CCDC88B: variants seen among roughly 807,000 people sequenced by gnomAD.
CCDC88B encodes the protein coiled-coil domain-containing protein 88B.
In CCDC88B, 138 loss-of-function variants were observed where a neutral mutation model predicts 183.7. The observed-to-expected ratio is 0.75, with a 90% CI of 0.65 to 0.87. CCDC88B has a LOEUF of 0.87. Ranked by LOEUF, CCDC88B falls within the 40% of genes least tolerant of loss-of-function variation. The probability of loss-of-function intolerance (pLI) is 0.00; values close to 1 mark genes in which losing one functional copy is unlikely to be tolerated. For missense variants in CCDC88B, 1,822 were observed against 1,965.6 expected (o/e 0.93, Z 1.38); for synonymous variants, 835 against 867.5 (o/e 0.96, Z 0.66).
rs762448959 is a variant in CCDC88B at position 64,355,327 on chromosome 11, T to G, written c.4233T>G (p.Pro1411=). 93 of 1,595,958 alleles carry G rather than the reference T, an allele frequency of 5.8e-5. No individual in the cohort carries two copies. The highest frequency in any genetic ancestry group is 1.7e-4 in the Middle Eastern group (1 of 5,974). The part of the protein sequence containing the change: ...PVGRSSESFS[P]GDTPRQRFRQ... Reference sequence around the variant, plus strand: ...GGCGAAGCTCTGAGTCATTCAGCCCTGGGGACACCCCTAGGCAACGATTCC... The same window carrying G: ...GGCGAAGCTCTGAGTCATTCAGCCCGGGGGACACCCCTAGGCAACGATTCC... The change falls in exon 25 of 27, where the codon CCT becomes CCG. Residue 1411 remains proline (P), a synonymous_variant. Coordinates refer to ENST00000356786, the MANE Select transcript of CCDC88B (RefSeq NM_032251.6).
rs1040945587 is a variant in CCDC88B at position 64,345,046 on chromosome 11, G to A, written c.2505G>A (p.Leu835=). 4.5e-6 allele frequency: 7 copies of A among 1,548,736 alleles called. No individual in the cohort carries two copies. Among genetic ancestry groups the A allele is most frequent in the African/African-American group, 1.4e-5 (1 of 73,544 alleles). Residue 835 remains leucine (L), a synonymous_variant, in exon 14 of 27, where the codon CTG becomes CTA. Transcript: ENST00000356786. ...AGTGGGAGCGTGAGGGGTCCAGGCT[G>A]CGGGCCCAGTCGGAGGCCGCCGAGG... The part of the protein sequence containing the change: ...RRQWEREGSR[L]RAQSEAAEER...
At position 64,343,526 on chromosome 11, in the gene CCDC88B, A is replaced by G. The variant is rs1236536618; in HGVS notation, c.1229A>G (p.His410Arg). The G allele has an allele frequency of 3.2e-6, 5 of 1,551,716 alleles. No individual in the cohort carries two copies. Among genetic ancestry groups the G allele is most frequent in the African/African-American group, 2.7e-5 (2 of 73,036 alleles). The change falls in exon 12 of 27, where the codon CAT becomes CGT. Residue 410 changes from histidine to arginine, a missense_variant. Physicochemically the swap from His to Arg is conservative, Grantham distance 29 (BLOSUM62 0). Coordinates refer to ENST00000356786, the MANE Select transcript of CCDC88B (RefSeq NM_032251.6). ...CCCCAGGAGCTGGACTCTCTGCGGC[A>G]TCAGGTGGACCAGCTGGCTGAGGAG... ...EAHAELDSLR[H>R]QVDQLAEENV... is the part of the protein sequence containing the mutation.
chr11:64,344,752 G>A lies in CCDC88B; in HGVS notation c.2211G>A (p.Leu737=). The A allele has an allele frequency of 1.2e-6, 2 of 1,613,968 alleles. No individual in the cohort carries two copies. The highest frequency in any genetic ancestry group is 1.7e-6 in the Non-Finnish European group (2 of 1,179,926). Residue 737 remains leucine (L), a synonymous_variant, in exon 14 of 27, where the codon TTG becomes TTA. Transcript: ENST00000356786. This position sits in a 1 kb window ranked among gnomAD's most constrained non-coding sequence, Gnocchi z 4.5. ...QEALREEVAQ[L]RRKAEALGDE... ...CCCTCAGGGAGGAGGTGGCACAGTTGAGGAGAAAGGCTGAGGCCCTTGGAG... is the reference window on the plus strand; with the variant it reads ...CCCTCAGGGAGGAGGTGGCACAGTTAAGGAGAAAGGCTGAGGCCCTTGGAG...
At chr11:64,354,688 TCCGCCCCCCCCCTCTGACCCCTCCCCTG>T (rs2036474657) in intron 24 of CCDC88B, among the ~76,000 whole-genome samples, 1 of 11,200 alleles carries the variant, frequency 8.9e-5, no homozygotes, top group Non-Finnish European at 1.9e-4. Flanking sequence ...TGCATGAGCC[TCCGCCCCCCCCCTCTGACCCCTCCCCTG>T]CATGAACCTC....
intron 14 of CCDC88B, among the ~76,000 whole-genome samples, chr11:64,347,388 T>C (rs924142001): frequency 2.0e-5 from 3 of 152,154 alleles, no homozygotes; most frequent in African/African-American, 7.2e-5. Context: ...ACCTGTGAGA[T>C]TGCAACACAG....
At chr11:64,356,918 G>T (rs1246932244) in intron 26 of CCDC88B, 121 bp from the exon 27 acceptor site, 1 of 929,892 alleles carries the variant, frequency 1.1e-6, no homozygotes, top group African/African-American at 1.6e-5. Flanking sequence ...GCGTGGTGCA[G>T]CTGGAAGCGG....
At chr11:64,354,402 G>A (rs1391164756) in intron 24 of CCDC88B, among the ~76,000 whole-genome samples, 11 of 152,006 alleles carry the variant, frequency 7.2e-5, no homozygotes, top group East Asian at 3.9e-4. Flanking sequence ...TGCCCCATCC[G>A]CAGCGGAGCC....
chr11:64,344,299 G>C lies in CCDC88B; in HGVS notation c.1758G>C (p.Gln586His), dbSNP rs1225377147. 4.3e-6 allele frequency: 7 copies of C among 1,613,710 alleles called. No individual in the cohort carries two copies. The highest frequency in any genetic ancestry group is 5.9e-6 in the Non-Finnish European group (7 of 1,179,978). The change falls in exon 14 of 27, where the codon CAG (glutamine) becomes CAC (histidine). Residue 586 changes from glutamine to histidine, a missense_variant. Transcript: ENST00000356786. The surrounding 1 kb of genome is among the most constrained non-coding windows in gnomAD (Gnocchi z 4.5). ...AGTCAGGCTCTCCTGTGGAGACACA[G>C]GAGTCCCCGGAGAAGGCTGGCCGTA... is the stretch of plus-strand genomic sequence containing the variant. ...PQESGSPVET[Q>H]ESPEKAGRRS... is the part of the protein sequence containing the mutation.
In CCDC88B at chr11:64,344,261, T is replaced by C; in HGVS notation, c.1720T>C (p.Trp574Arg). The C allele has an allele frequency of 6.2e-7, 1 of 1,613,722 alleles. No homozygotes were observed. The highest frequency in any genetic ancestry group is 8.5e-7 in the Non-Finnish European group (1 of 1,179,986). ...TGCCATGGACCCCCAGGCCTCAGAC[T>C]GGTCCCCGCAAGAGTCAGGCTCTCC... ...AAAMDPQASD[W>R]SPQESGSPVE... Residue 574 changes from tryptophan to arginine, a missense_variant, in exon 14 of 27, where the codon TGG becomes CGG. By Grantham distance (101) the Trp-to-Arg change is moderately radical. Transcript: ENST00000356786. The surrounding 1 kb of genome is among the most constrained non-coding windows in gnomAD (Gnocchi z 4.5).
At chr11:64,349,750 C>G in intron 16 of CCDC88B, 82 bp downstream of exon 16, 1 of 1,281,426 alleles carries the variant, frequency 7.8e-7, no homozygotes, top group Non-Finnish European at 1.1e-6. Context: ...CATCTGTCCT[C>G]CTAGTCTTGC....
chr11:64,342,646 T>A lies in CCDC88B; in HGVS notation c.1028T>A (p.Leu343Gln), dbSNP rs2035924840. ...GAGCTGAGGCGCTGCCGCGAGCGGC[T>A]GCAGGCGGCTGAGGCCTACAAGAGT... is the stretch of plus-strand genomic sequence containing the variant. ...QEELRRCRER[L>Q]QAAEAYKSQL... Residue 343 changes from leucine to glutamine, a missense_variant, in exon 10 of 27, where the codon CTG becomes CAG. Leu to Gln is a moderately radical substitution (Grantham distance 113, BLOSUM62 -2). Coordinates refer to ENST00000356786, the MANE Select transcript of CCDC88B (RefSeq NM_032251.6). The A allele has an allele frequency of 6.6e-7, 1 of 1,520,068 alleles. No individual in the cohort carries two copies. Among genetic ancestry groups the A allele is most frequent in the Admixed American group, 2.1e-5 (1 of 48,596 alleles). The allele number at this position is 1,520,068 out of a possible 1,614,324, so 94.2% of individuals were successfully genotyped here. A position where few individuals can be genotyped will look rare whatever the true frequency, so the allele number is the denominator to read the frequency against.
rs984262827 is a variant in CCDC88B at position 64,345,015 on chromosome 11, G to A, written c.2474G>A (p.Arg825Gln). 20 of 1,546,608 alleles carry A rather than the reference G, an allele frequency of 1.3e-5. No individual in the cohort carries two copies. Among genetic ancestry groups the A allele is most frequent in the Middle Eastern group, 2.1e-4 (1 of 4,662 alleles). The stretch of plus-strand genomic sequence containing the variant: ...GCGCTGGCAGCAGCGGGCCGGGAGC[G>A]GAGGCAGTGGGAGCGTGAGGGGTCC... Reference protein sequence around the residue: ...VEALAAAGRERRQWEREGSRL... With the variant: ...VEALAAAGREQRQWEREGSRL... The change falls in exon 14 of 27, where the codon CGG becomes CAG. Residue 825 changes from arginine to glutamine, a missense_variant. Coordinates refer to ENST00000356786, the MANE Select transcript of CCDC88B (RefSeq NM_032251.6).
chr11:64,355,475 CT>C (rs2036519525), intron 25 of CCDC88B, 75 bp downstream of exon 25: 1 of 1,586,482 alleles, frequency 6.3e-7, no homozygotes, highest in Non-Finnish European at 8.6e-7. Context: ...GGGGAGGAGG[CT>C]TCCTTCTTGT....
Position 64,344,794 on chromosome 11 carries a change from G to C in CCDC88B, c.2253G>C (p.Gln751His). 1.9e-6 allele frequency: 3 copies of C among 1,613,644 alleles called. No individual in the cohort carries two copies. Among genetic ancestry groups the C allele is most frequent in the Non-Finnish European group, 2.5e-6 (3 of 1,179,870 alleles). ...CCCTTGGAGATGAGCTGGAAGCCCA[G>C]GCCCGCAAGCTGGAGGCCCAAAACA... Reference protein sequence around the residue: ...AEALGDELEAQARKLEAQNTE... With the variant: ...AEALGDELEAHARKLEAQNTE... Residue 751 changes from glutamine to histidine, a missense_variant, in exon 14 of 27, where the codon CAG becomes CAC. Physicochemically the swap from Gln to His is conservative, Grantham distance 24. Transcript: ENST00000356786. The surrounding 1 kb of genome is among the most constrained non-coding windows in gnomAD (Gnocchi z 4.5).
chr11:64,343,312 G>A lies in CCDC88B; in HGVS notation c.1196G>A (p.Gly399Asp). The change falls in exon 11 of 27, where the codon GGC (glycine) becomes GAC (aspartate). Residue 399 changes from glycine (G) to aspartate (D), a missense_variant. By Grantham distance (94) the Gly-to-Asp change is moderately conservative. Transcript: ENST00000356786. Reference sequence around the variant, plus strand: ...AACCTGCTGCTGCGAACCCGGCTGGGCGAGGCCCATGCGGTAAGGTAGCCA... The same window carrying A: ...AACCTGCTGCTGCGAACCCGGCTGGACGAGGCCCATGCGGTAAGGTAGCCA... ...RENLLLRTRL[G>D]EAHAELDSLR... 1 of 1,550,438 alleles carries A rather than the reference G, an allele frequency of 6.4e-7. No homozygotes were observed. The highest frequency in any genetic ancestry group is 8.7e-7 in the Non-Finnish European group (1 of 1,146,816).
Position 64,344,870 on chromosome 11 carries a change from G to A in CCDC88B, c.2329G>A (p.Ala777Thr). 6.2e-7 allele frequency: 1 copy of A among 1,605,834 alleles called. No homozygotes were observed. Residue 777 changes from alanine to threonine, a missense_variant, in exon 14 of 27, where the codon GCC becomes ACC. Ala to Thr is a moderately conservative substitution (Grantham distance 58). Transcript: ENST00000356786. The surrounding 1 kb of genome is among the most constrained non-coding windows in gnomAD (Gnocchi z 4.5). ...GCTGGCCCAAGCGCGAAGGGCAGAG[G>A]CCGAGGCCCACCGGGAGGCAGAGGC... ...KELAQARRAE[A>T]EAHREAEAQA...
chr11:64,349,666 C>T lies in CCDC88B; in HGVS notation c.2860C>T (p.Gln954Ter). 6.3e-7 allele frequency: 1 copy of T among 1,588,786 alleles called. No homozygotes were observed. Among genetic ancestry groups the T allele is most frequent in the South Asian group, 1.2e-5 (1 of 86,942 alleles). ...CCTGCAGCTGGAAGAGGAGCTGTTC[C>T]AGGTGATGCCTGCCCGCCTGGGAGC... Reference protein sequence around the residue: ...RALQLEEELFQLRQGPAGLGP... With the variant: ...RALQLEEELF The change falls in exon 16 of 27, where the codon CAG (glutamine) becomes TAG (stop). Residue 954 changes from glutamine (Q) to a stop codon, truncating the protein, a stop_gained and splice_region_variant. Transcript: ENST00000356786. LOFTEE classifies it high-confidence loss of function.
intron 14 of CCDC88B, among the ~76,000 whole-genome samples, chr11:64,345,744 C>T (rs1191865738): frequency 1.3e-5 from 2 of 152,260 alleles, no homozygotes; most frequent in East Asian, 1.9e-4. Context: ...TGGTGGCTCA[C>T]ACCTGTAATC....
rs542907 is a variant in CCDC88B, at chr11:64,357,508, G to A, written c.*414G>A. On this transcript the variant is annotated 3_prime_UTR_variant, in exon 27 of 27. Transcript: ENST00000356786. ...CCTTAACTGGACATGAGGGGCATGAGAATAAAGCTGAACTGCAGCCTCCTG... is the reference window on the plus strand; with the variant it reads ...CCTTAACTGGACATGAGGGGCATGAAAATAAAGCTGAACTGCAGCCTCCTG... The A allele has an allele frequency of 0.39, 269,111 of 696,444 alleles. 56,520 individuals are homozygous for A. The highest frequency in any genetic ancestry group is 0.44 in the Non-Finnish European group (162,745 of 372,414). 43.1% of individuals were successfully genotyped at this position (696,444 alleles called of 1,614,324 possible).
Sources: allele counts gnomAD v4.1 joint callset (sites outside exome capture counted in the v4.1 genomes callset), GRCh38; gene constraint gnomAD v4.1.1; non-coding constraint Gnocchi (gnomAD v3.1); transcripts MANE v1.5; gene names NCBI Gene and HGNC (gene_info 2026-07-23, HGNC 2026-07-21).